SORCS2: variants seen among roughly 807,000 people sequenced by gnomAD.
The protein encoded by SORCS2 is sortilin related VPS10 domain containing receptor 2, also known as VPS10 domain-containing receptor SorCS2.
In SORCS2, 100 loss-of-function variants were observed where a neutral mutation model predicts 141.6. That is an observed-to-expected ratio of 0.71 (90% CI 0.60 to 0.83). The LOEUF (loss-of-function observed/expected upper bound fraction) is 0.83. Among genes scored for constraint, SORCS2 ranks in the 40% least tolerant of loss-of-function variants. The pLI, the probability that SORCS2 is intolerant of heterozygous loss-of-function variation, is 0.00. For synonymous variants in SORCS2, 789 were observed against 676.9 expected (o/e 1.17, Z -2.57); for missense variants, 1,646 against 1,560.2 (o/e 1.05, Z -0.93).
At chr4:7,314,130 C>T (rs948992658) in intron 1 of SORCS2, among the ~76,000 whole-genome samples, 1 of 152,170 alleles carries the variant, frequency 6.6e-6, no homozygotes, top group African/African-American at 2.4e-5. Flanking sequence ...AGTCGGGATC[C>T]TCCCTGCCTC....
intron 18 of SORCS2, among the ~76,000 whole-genome samples, chr4:7,720,240 A>G (rs1215452770): frequency 6.6e-6 from 1 of 152,176 alleles, no homozygotes; most frequent in Non-Finnish European, 1.5e-5. Context: ...GGCCCCAGGA[A>G]TAAACCCATA....
chr4:7,326,224 G>A (rs1198087585), intron 1 of SORCS2, among the ~76,000 whole-genome samples: 2 of 152,112 alleles, frequency 1.3e-5, no homozygotes, highest in East Asian at 3.9e-4. Flanking sequence ...TAAGACAGAG[G>A]GTTCTGTCCT....
At chr4:7,542,333 G>T (rs1712744664) in intron 3 of SORCS2, among the ~76,000 whole-genome samples, 1 of 152,202 alleles carries the variant, frequency 6.6e-6, no homozygotes, top group Non-Finnish European at 1.5e-5. Flanking sequence ...CCTTCTTTGG[G>T]AATAGGGTCT....
In SORCS2 at chr4:7,638,439, A is replaced by T. The variant is rs752754173; in HGVS notation, c.760A>T (p.Ile254Phe). The change falls in exon 4 of 27, where the codon ATT becomes TTT. Residue 254 changes from isoleucine to phenylalanine, a missense_variant. By Grantham distance (21) the Ile-to-Phe change is conservative. Transcript: ENST00000507866. Reference protein sequence around the residue: ...QPIPFFVETLIFHPKEEDKVL... With the variant: ...QPIPFFVETLFFHPKEEDKVL... Reference sequence around the variant, plus strand: ...CATTCCCTTCTTCGTGGAAACTCTGATTTTCCACCCTAAGGAGGAGGACAA... The same window carrying T: ...CATTCCCTTCTTCGTGGAAACTCTGTTTTTCCACCCTAAGGAGGAGGACAA... 2.5e-6 allele frequency: 4 copies of T among 1,608,912 alleles called. No homozygotes were observed. In the South Asian group the frequency reaches 4.4e-5, roughly 18 times the overall value.
intron 3 of SORCS2, among the ~76,000 whole-genome samples, chr4:7,548,292 G>A (rs1713424308): frequency 6.6e-6 from 1 of 152,176 alleles, no homozygotes; most frequent in Admixed American, 6.5e-5. Flanking sequence ...AGTCTCTGCA[G>A]GGCTAATCCT....
intron 17 of SORCS2, among the ~76,000 whole-genome samples, chr4:7,716,051 T>C (rs1164831178): frequency 6.6e-6 from 1 of 152,230 alleles, no homozygotes; most frequent in African/African-American, 2.4e-5. Flanking sequence ...CACCAGAGGC[T>C]GGACATACTG....
chr4:7,385,670 G>A (rs1372246844), intron 1 of SORCS2, among the ~76,000 whole-genome samples: 1 of 152,184 alleles, frequency 6.6e-6, no homozygotes, highest in African/African-American at 2.4e-5. Context: ...CCTCCTGAGA[G>A]GTGGGCAGCT....
chr4:7,350,847 A>G (rs1720896266), intron 1 of SORCS2, among the ~76,000 whole-genome samples: 1 of 152,146 alleles, frequency 6.6e-6, no homozygotes, highest in African/African-American at 2.4e-5. Context: ...GGAGCACACC[A>G]GGGCGGGTCC....
chr4:7,627,409 G>A (rs1490871917), intron 3 of SORCS2, among the ~76,000 whole-genome samples: 1 of 152,162 alleles, frequency 6.6e-6, no homozygotes, highest in Non-Finnish European at 1.5e-5. Flanking sequence ...CCCAAGCCCT[G>A]GCATCAGTCT....
chr4:7,455,412 A>T lies in SORCS2; in HGVS notation c.548+59057A>T, dbSNP rs572493275. Among the ~76,000 whole-genome samples, 246 of 76,466 alleles carry T rather than the reference A, an allele frequency of 3.2e-3. 1 individual carries two copies. The highest frequency in any genetic ancestry group is 0.012 in the African/African-American group (227 of 18,296). 50.2% of individuals were successfully genotyped at this position (76,466 alleles called of 152,430 possible). On this transcript the variant is annotated intron_variant, in intron 2 of 26. Transcript: ENST00000507866. ...GTCAGGTGCTGTGTTGGGGTCAGGC[A>T]CTGTGTTGGGGTCAGTGCTGTGTGT... is the stretch of plus-strand genomic sequence containing the variant.
intron 1 of SORCS2, among the ~76,000 whole-genome samples, chr4:7,223,809 C>A (rs924738211): frequency 1.3e-5 from 2 of 152,096 alleles, no homozygotes; most frequent in Non-Finnish European, 2.9e-5. Flanking sequence ...GTCGCCTGTG[C>A]AGTTATCCAC....
At chr4:7,677,885 C>T (rs1723268363) in intron 9 of SORCS2, among the ~76,000 whole-genome samples, 1 of 152,206 alleles carries the variant, frequency 6.6e-6, no homozygotes, top group African/African-American at 2.4e-5. Flanking sequence ...AGGCCCTGCC[C>T]TCTGAGCCTC....
intron 16 of SORCS2, 26 bp downstream of exon 16, chr4:7,714,399 G>A (rs1014901674): frequency 6.5e-7 from 1 of 1,545,382 alleles, no homozygotes; most frequent in Non-Finnish European, 8.7e-7. Context: ...CTGGCCACGA[G>A]GCCTCAGGCG....
chr4:7,699,882 T>G (rs541615118), intron 12 of SORCS2, among the ~76,000 whole-genome samples: 1 of 152,268 alleles, frequency 6.6e-6, no homozygotes, highest in South Asian at 2.1e-4. Flanking sequence ...ATTTTCCTCC[T>G]AAATCATTGT....
chr4:7,383,825 T>C (rs533180180), intron 1 of SORCS2, among the ~76,000 whole-genome samples: 3 of 152,322 alleles, frequency 2.0e-5, no homozygotes, highest in Non-Finnish European at 4.4e-5. Context: ...GAAATTAAAA[T>C]TCAATCAGGT....
chr4:7,654,963 G>A (rs1721667494), intron 5 of SORCS2, among the ~76,000 whole-genome samples: 1 of 152,150 alleles, frequency 6.6e-6, no homozygotes, highest in Admixed American at 6.5e-5. Context: ...CACTGCACGG[G>A]GGGCACTCGG....
chr4:7,454,883 G>A (rs1336201932), intron 2 of SORCS2, among the ~76,000 whole-genome samples: 1 of 137,488 alleles, frequency 7.3e-6, no homozygotes, highest in Non-Finnish European at 1.6e-5. Context: ...GTGTGTTGGG[G>A]TCAGGTGCTG....
chr4:7,339,033 C>T (rs919635662), intron 1 of SORCS2, among the ~76,000 whole-genome samples: 1 of 152,210 alleles, frequency 6.6e-6, no homozygotes, highest in Non-Finnish European at 1.5e-5. Context: ...ACCTCTTGGC[C>T]AAGACGGGCT....
chr4:7,594,506 C>T (rs909181245), intron 3 of SORCS2, among the ~76,000 whole-genome samples: 29 of 152,182 alleles, frequency 1.9e-4, no homozygotes, highest in African/African-American at 4.6e-4. Flanking sequence ...CTGCCTGCTC[C>T]GGGGTGGGTG....
Sources: gnomAD v4.1 joint callset for allele counts (sites outside exome capture counted in the v4.1 genomes callset) on GRCh38, gnomAD v4.1.1 for gene constraint, MANE v1.5 for transcripts, NCBI Gene and HGNC (gene_info 2026-07-23, HGNC 2026-07-21) for gene names.